Variants in TENM4 observed in about 807,000 individuals in gnomAD.
TENM4 encodes the protein teneurin-4.
TENM4 carries 82 observed loss-of-function variants against 243.3 expected under a neutral mutation model. That is an observed-to-expected ratio of 0.34 (90% CI 0.28 to 0.40). The LOEUF (loss-of-function observed/expected upper bound fraction) is 0.40. TENM4 is among the 10% of genes least tolerant of loss of function. The probability of loss-of-function intolerance (pLI) is 1.00; values close to 1 mark genes in which losing one functional copy is unlikely to be tolerated. For synonymous variants in TENM4, 1,412 were observed against 1,456.3 expected (o/e 0.97, Z 0.69); for missense variants, 3,138 against 3,673.3 (o/e 0.85, Z 3.77).
At chr11:79,187,175 G>A (rs1013311197) in intron 3 of TENM4, among the ~76,000 whole-genome samples, 6 of 152,184 alleles carry the variant, frequency 3.9e-5, no homozygotes, top group African/African-American at 1.2e-4. Flanking sequence ...CCAGGGCAAC[G>A]ACTTGAGCCT....
chr11:78,852,379 T>C (rs540991570), intron 12 of TENM4, among the ~76,000 whole-genome samples: 1 of 152,320 alleles, frequency 6.6e-6, no homozygotes, highest in South Asian at 2.1e-4. Context: ...AAATGACTCC[T>C]GTTGTTTAGA....
rs1159503882 is a variant in TENM4 at position 78,696,280 on chromosome 11, C to T, written c.5087+5246G>A. ...TCTCTGCTAAAATTATCCATCTGATCTTGCACATTGTTCGCCTTTTCCATT... is the reference window on the plus strand; with the variant it reads ...TCTCTGCTAAAATTATCCATCTGATTTTGCACATTGTTCGCCTTTTCCATT... On this transcript the variant is annotated intron_variant, in intron 28 of 33. Coordinates refer to ENST00000278550, the MANE Select transcript of TENM4 (RefSeq NM_001098816.3). Among the ~76,000 whole-genome samples, 4 of 152,148 alleles carry T rather than the reference C, an allele frequency of 2.6e-5. No homozygotes were observed. The South Asian group carries it at 6.2e-4, about 24-fold the overall frequency.
At chr11:79,167,514 C>T (rs923559195) in intron 3 of TENM4, among the ~76,000 whole-genome samples, 1 of 152,176 alleles carries the variant, frequency 6.6e-6, no homozygotes, top group South Asian at 2.1e-4. Context: ...TAAGGAGACA[C>T]AGAAAAGTTA....
rs1293158567 is a variant in TENM4 at position 78,812,181 on chromosome 11, G to A, written c.1919C>T (p.Thr640Ile). 9.0e-6 allele frequency: 14 copies of A among 1,551,738 alleles called. No individual in the cohort carries two copies. Among genetic ancestry groups the A allele is most frequent in the African/African-American group, 1.4e-5 (1 of 73,064 alleles). ...GCAGATGCAGGTGCCCGTGATGCAG[G>A]TGCCATGGTTGCTGCAGGCCACATC... ...CIDVACSNHG[T>I]CITGTCICNP... The change falls in exon 14 of 34, where the codon ACC becomes ATC. Residue 640 changes from threonine (T) to isoleucine (I), a missense_variant. By Grantham distance (89) the Thr-to-Ile change is moderately conservative. Coordinates refer to ENST00000278550, the MANE Select transcript of TENM4 (RefSeq NM_001098816.3).
At chr11:78,856,614 C>T (rs1290452947) in intron 10 of TENM4, among the ~76,000 whole-genome samples, 1 of 152,018 alleles carries the variant, frequency 6.6e-6, no homozygotes, top group Non-Finnish European at 1.5e-5. Context: ...GAATGAGTCC[C>T]CCAGCAGTGG....
At chr11:79,199,643 G>T (rs556735496) in intron 3 of TENM4, among the ~76,000 whole-genome samples, 1 of 152,338 alleles carries the variant, frequency 6.6e-6, no homozygotes, top group East Asian at 1.9e-4. Flanking sequence ...CAGTCCTGGG[G>T]CTGGACAGCT....
rs925808578 is a variant in TENM4 at position 79,141,715 on chromosome 11, C to G, written c.-66+6995G>C. Among the ~76,000 whole-genome samples the G allele has an allele frequency of 8.6e-5, 13 of 152,026 alleles. No individual in the cohort carries two copies. In the East Asian group the frequency reaches 2.5e-3, roughly 30 times the overall value. On this transcript the variant is annotated intron_variant, in intron 4 of 33. Coordinates refer to ENST00000278550, the MANE Select transcript of TENM4 (RefSeq NM_001098816.3). The stretch of plus-strand genomic sequence containing the variant: ...AATAAACAAAACCAAACAAACAAAA[C>G]TAGGCCAATATGATTGATGAACATC...
chr11:78,768,926 T>TG (rs1254362059), intron 18 of TENM4, among the ~76,000 whole-genome samples: 2 of 152,232 alleles, frequency 1.3e-5, no homozygotes, highest in Non-Finnish European at 2.9e-5. Context: ...AGGATACACT[T>TG]GAATTGCATT....
intron 3 of TENM4, among the ~76,000 whole-genome samples, chr11:79,163,872 A>G (rs1301899272): frequency 1.4e-5 from 2 of 144,738 alleles, no homozygotes; most frequent in African/African-American, 5.1e-5. Flanking sequence ...ATATATACAC[A>G]TATATGTACA....
chr11:78,969,978 C>T (rs2136569781), intron 6 of TENM4, among the ~76,000 whole-genome samples: 1 of 152,234 alleles, frequency 6.6e-6, no homozygotes, highest in East Asian at 1.9e-4. Context: ...ATTTTAGTTT[C>T]TTCACTTAAA....
chr11:79,072,307 G>A lies in TENM4; in HGVS notation c.-65-2298C>T, dbSNP rs117936534. ...CCGAGACCAGCCTGGGCACAGCAAG[G>A]CCCTGTTTCTACAGACAAACAAACA... is the stretch of plus-strand genomic sequence containing the variant. On this transcript the variant is annotated intron_variant, in intron 4 of 33. Coordinates refer to ENST00000278550, the MANE Select transcript of TENM4 (RefSeq NM_001098816.3). Among the ~76,000 whole-genome samples, 287 of 152,104 alleles carry A rather than the reference G, an allele frequency of 1.9e-3. 9 individuals carry two copies. In the South Asian group the frequency reaches 0.046, roughly 24 times the overall value.
At chr11:79,372,156 CT>C (rs1857801039) in intron 1 of TENM4, among the ~76,000 whole-genome samples, 1 of 152,142 alleles carries the variant, frequency 6.6e-6, no homozygotes, top group Non-Finnish European at 1.5e-5. Context: ...ATTACCCCAG[CT>C]TGTGATATAT....
At chr11:79,122,076 G>T (rs1861756250) in intron 4 of TENM4, among the ~76,000 whole-genome samples, 1 of 152,152 alleles carries the variant, frequency 6.6e-6, no homozygotes, top group South Asian at 2.1e-4. Context: ...CAGGATTGCT[G>T]CTGGTTGGTG....
intron 6 of TENM4, chr11:78,903,824 A>G (rs1855997604): frequency 1.5e-6 from 1 of 658,090 alleles, no homozygotes; most frequent in Admixed American, 2.1e-5. Context: ...GCAACTTCAC[A>G]TTGTTTCATG....
At chr11:79,100,013 G>T (rs964893992) in intron 4 of TENM4, among the ~76,000 whole-genome samples, 3 of 152,280 alleles carry the variant, frequency 2.0e-5, no homozygotes, top group Non-Finnish European at 2.9e-5. Context: ...GCACTTTCAC[G>T]CCAGGGCCGT....
chr11:79,260,170 C>T (rs957730254), intron 2 of TENM4, among the ~76,000 whole-genome samples: 6 of 152,164 alleles, frequency 3.9e-5, no homozygotes, highest in Non-Finnish European at 7.3e-5. Context: ...TTAAGGGCAT[C>T]GGTGAGCCGA....
At chr11:78,784,649 T>C (rs1171393459) in intron 16 of TENM4, among the ~76,000 whole-genome samples, 1 of 152,222 alleles carries the variant, frequency 6.6e-6, no homozygotes, top group East Asian at 1.9e-4. Flanking sequence ...TATTCTTATA[T>C]TGTGCACATT....
intron 3 of TENM4, among the ~76,000 whole-genome samples, chr11:79,160,094 A>T (rs1158871364): frequency 6.6e-6 from 1 of 151,764 alleles, no homozygotes; most frequent in Non-Finnish European, 1.5e-5. Context: ...TCACTCACTC[A>T]TTCCCTACTC....
chr11:79,420,349 G>A (rs1858904732), intron 1 of TENM4, among the ~76,000 whole-genome samples: 1 of 152,216 alleles, frequency 6.6e-6, no homozygotes, highest in African/African-American at 2.4e-5. Flanking sequence ...GAAACACTCA[G>A]CCCCTGCAGG....
Sources: allele counts gnomAD v4.1 joint callset (sites outside exome capture counted in the v4.1 genomes callset), GRCh38; gene constraint gnomAD v4.1.1; transcripts MANE v1.5; gene names NCBI Gene and HGNC (gene_info 2026-07-23, HGNC 2026-07-21).